IGSF10: variants seen among roughly 807,000 people sequenced by gnomAD.
IGSF10 encodes immunoglobulin superfamily member 10.
Under a neutral mutation model 128.2 loss-of-function variants are expected in IGSF10, and 126 were observed. The ratio of observed to expected loss-of-function variants is 0.98; its 90% CI spans 0.85 to 1.14. The LOEUF (loss-of-function observed/expected upper bound fraction) is 1.14. Ranked by LOEUF, IGSF10 falls within the 50% of genes most tolerant of loss-of-function variation. IGSF10 has a pLI of 0.00. For synonymous variants in IGSF10, 1,185 were observed against 1,146.2 expected, an observed-to-expected ratio of 1.03 and a Z score of -0.68; for missense variants, 3,295 against 3,149.8, an observed-to-expected ratio of 1.05 and a Z score of -1.10.
At chr3:151,443,999 C>T (rs1721031845) in intron 6 of IGSF10, 115 bp from the exon 7 acceptor site, 2 of 789,854 alleles carry the variant, frequency 2.5e-6, no homozygotes, top group South Asian at 3.9e-5. Context: ...GAAAGCCCAG[C>T]CCTATGGCTC....
the IGSF10 span, among the ~76,000 whole-genome samples, chr3:151,575,599 AGAGTGTCTC>A: frequency 6.6e-6 from 1 of 152,188 alleles, no homozygotes; most frequent in Non-Finnish European, 1.5e-5. Flanking sequence ...TATTAAGGTG[AGAGTGTCTC>A]GATTTTCCCG....
At chr3:151,522,563 C>G in the IGSF10 span, among the ~76,000 whole-genome samples, 5 of 152,070 alleles carry the variant, frequency 3.3e-5, no homozygotes, top group Non-Finnish European at 7.4e-5. Context: ...TGTGATTCAT[C>G]ACATAAACAG....
the IGSF10 span, among the ~76,000 whole-genome samples, chr3:151,541,768 A>C: frequency 8.5e-5 from 13 of 152,296 alleles, no homozygotes; most frequent in African/African-American, 3.1e-4. Flanking sequence ...ATACATATAC[A>C]TACATATGTG....
chr3:151,496,250 A>G, the IGSF10 span, among the ~76,000 whole-genome samples: 1 of 151,736 alleles, frequency 6.6e-6, no homozygotes, highest in African/African-American at 2.4e-5. Flanking sequence ...CACAACGTGC[A>G]GGTTTGTTAC....
At chr3:151,540,029 A>G in the IGSF10 span, among the ~76,000 whole-genome samples, 15 of 152,192 alleles carry the variant, frequency 9.9e-5, no homozygotes, top group Non-Finnish European at 1.9e-4. Flanking sequence ...CAGTGGTGTC[A>G]TTTTGTGGTG....
Position 151,447,051 on chromosome 3 carries a change from A to C in IGSF10, c.2930T>G (p.Leu977Arg). Reference protein sequence around the residue: ...NHFYSHTTQILSTSTFPSDPH... With the variant: ...NHFYSHTTQIRSTSTFPSDPH... ...ATCTGAAGGGAACGTGGAGGTGCTA[A>C]GTATTTGAGTAGTGTGAGAATAGAA... The change falls in exon 6 of 8, where the codon CTT (leucine) becomes CGT (arginine). Residue 977 changes from leucine (L) to arginine (R), a missense_variant. By Grantham distance (102) the Leu-to-Arg change is moderately radical (BLOSUM62 -2). Coordinates refer to ENST00000282466, the MANE Select transcript of IGSF10 (RefSeq NM_178822.5). The C allele has an allele frequency of 6.2e-7, 1 of 1,614,134 alleles. No individual in the cohort carries two copies. The highest frequency in any genetic ancestry group is 1.1e-5 in the South Asian group (1 of 91,090).
the IGSF10 span, among the ~76,000 whole-genome samples, chr3:151,589,966 TA>T: frequency 3.3e-5 from 5 of 152,174 alleles, no homozygotes. Context: ...ACTTTTTTTT[TA>T]AGAATAAAAT....
the IGSF10 span, among the ~76,000 whole-genome samples, chr3:151,608,091 C>G: frequency 2.0e-5 from 3 of 151,816 alleles, no homozygotes; most frequent in Non-Finnish European, 2.9e-5. Flanking sequence ...CTTAAAAATA[C>G]CAGGGTAATA....
the IGSF10 span, among the ~76,000 whole-genome samples, chr3:151,551,127 G>T: frequency 6.6e-6 from 1 of 152,168 alleles, no homozygotes; most frequent in Non-Finnish European, 1.5e-5. Flanking sequence ...CTGGCAACCA[G>T]AGGTGAAGAG....
the IGSF10 span, among the ~76,000 whole-genome samples, chr3:151,583,124 G>T: frequency 6.6e-6 from 1 of 151,132 alleles, no homozygotes; most frequent in South Asian, 2.1e-4. Flanking sequence ...ATTTTTTATT[G>T]CATGTATGTT....
At chr3:151,499,526 T>G in the IGSF10 span, 1 of 152,238 alleles carries the variant, frequency 6.6e-6, no homozygotes, top group East Asian at 1.9e-4. Context: ...TCAGGGACTG[T>G]GACTTCAGTA....
Position 151,436,944 on chromosome 3 carries a change from G to GACAAT in IGSF10, c.7612_7616dup (p.Thr2540LeufsTer53). ...GCTGAAAGGCTGCCCCTGTCCTGGTGACAATACTCCTGGGTGGACGATTTG... is the reference window on the plus strand; with the variant it reads ...GCTGAAAGGCTGCCCCTGTCCTGGTGACAATACAATACTCCTGGGTGGACGATTTG... On this transcript the variant is annotated frameshift_variant, in exon 8 of 8. Transcript: ENST00000282466. LOFTEE classifies it low-confidence loss of function (END_TRUNC). 6.2e-7 allele frequency: 1 copy of GACAAT among 1,614,202 alleles called. No homozygotes were observed. Among genetic ancestry groups the GACAAT allele is most frequent in the African/African-American group, 1.3e-5 (1 of 75,052 alleles).
the IGSF10 span, among the ~76,000 whole-genome samples, chr3:151,524,454 A>C: frequency 2.6e-5 from 4 of 152,226 alleles, no homozygotes; most frequent in Non-Finnish European, 5.9e-5. Context: ...GCCATAAAAA[A>C]GAATAAGATC....
the IGSF10 span, among the ~76,000 whole-genome samples, chr3:151,575,337 C>G: frequency 1.3e-5 from 2 of 152,300 alleles, no homozygotes; most frequent in Middle Eastern, 6.8e-3. Context: ...GAAGTGGAGT[C>G]TACAGAGGCA....
the IGSF10 span, among the ~76,000 whole-genome samples, chr3:151,530,882 AATGGG>A: frequency 6.6e-6 from 1 of 152,212 alleles, no homozygotes; most frequent in Non-Finnish European, 1.5e-5. Flanking sequence ...CTTAAATGTA[AATGGG>A]CTAAATGCCC....
chr3:151,616,219 A>G, the IGSF10 span, among the ~76,000 whole-genome samples: 1 of 152,102 alleles, frequency 6.6e-6, no homozygotes, highest in Non-Finnish European at 1.5e-5. Flanking sequence ...CTCCCGCCTC[A>G]GCCTCCCAAA....
At chr3:151,555,266 T>G in the IGSF10 span, among the ~76,000 whole-genome samples, 1 of 152,072 alleles carries the variant, frequency 6.6e-6, no homozygotes, top group African/African-American at 2.4e-5. Flanking sequence ...ATTAAAATGG[T>G]CAACTATCTT....
intron 2 of IGSF10, among the ~76,000 whole-genome samples, chr3:151,459,304 T>A (rs1388097851): frequency 6.6e-6 from 1 of 152,232 alleles, no homozygotes; most frequent in African/African-American, 2.4e-5. Context: ...TCAAACTCAA[T>A]TTTGTAACAC....
At chr3:151,475,493 G>A in the IGSF10 span, among the ~76,000 whole-genome samples, 1 of 152,198 alleles carries the variant, frequency 6.6e-6, no homozygotes. Context: ...ACCTAACTTA[G>A]GAGTATATGC....
Sources: gnomAD v4.1 joint callset for allele counts (sites outside exome capture counted in the v4.1 genomes callset) on GRCh38, gnomAD v4.1.1 for gene constraint, MANE v1.5 for transcripts, NCBI Gene and HGNC (gene_info 2026-07-23, HGNC 2026-07-21) for gene names.